KANK1: variants seen among roughly 807,000 people sequenced by gnomAD.
KANK1 encodes KN motif and ankyrin repeat domains 1.
Under a neutral mutation model 106.2 loss-of-function variants are expected in KANK1, and 109 were observed. The observed-to-expected ratio is 1.03, with a 90% confidence interval of 0.88 to 1.20. KANK1 has a LOEUF of 1.20. Among genes scored for constraint, KANK1 ranks in the 50% most tolerant of loss-of-function variants. KANK1 has a pLI of 0.00. For missense variants in KANK1, 2,399 were observed against 1,710.7 expected, an observed-to-expected ratio of 1.40 and a Z score of -7.10; for synonymous variants, 873 against 652.2, an observed-to-expected ratio of 1.34 and a Z score of -5.16.
At chr9:651,698 A>C (rs976103317) in intron 1 of KANK1, among the ~76,000 whole-genome samples, 19 of 152,222 alleles carry the variant, frequency 1.2e-4, no homozygotes, top group African/African-American at 4.3e-4. Context: ...ATCAGGCTCC[A>C]TATAATGTAG....
At chr9:548,349 C>A (rs564245890) in intron 1 of KANK1, among the ~76,000 whole-genome samples, 1 of 152,162 alleles carries the variant, frequency 6.6e-6, no homozygotes, top group Non-Finnish European at 1.5e-5. Context: ...GGAGGGCTTC[C>A]TGAAGGTTTG....
intron 1 of KANK1, among the ~76,000 whole-genome samples, chr9:569,540 C>G (rs1818654055): frequency 1.3e-5 from 2 of 152,158 alleles, no homozygotes; most frequent in Admixed American, 6.5e-5. Context: ...AGGCCCTCAC[C>G]AGATGCAGCC....
At chr9:540,740 C>G (rs549847526) in intron 1 of KANK1, 2 of 152,092 alleles carry the variant, frequency 1.3e-5, no homozygotes, top group Non-Finnish European at 2.9e-5. Flanking sequence ...TATTATTCAG[C>G]CTTGGTGTAA....
intron 2 of KANK1, among the ~76,000 whole-genome samples, chr9:706,174 G>A (rs762958573): frequency 7.9e-5 from 12 of 152,138 alleles, no homozygotes; most frequent in Non-Finnish European, 1.5e-4. Context: ...ACTTGCTGGA[G>A]AATGAAACTT....
At chr9:620,321 G>GCC (rs1832844377) in intron 1 of KANK1, among the ~76,000 whole-genome samples, 1 of 151,954 alleles carries the variant, frequency 6.6e-6, no homozygotes, top group Non-Finnish European at 1.5e-5. Flanking sequence ...TCAACGATCT[G>GCC]CCCCCTAAAT....
At chr9:605,899 A>T (rs896935659) in intron 1 of KANK1, among the ~76,000 whole-genome samples, 1 of 151,772 alleles carries the variant, frequency 6.6e-6, no homozygotes, top group African/African-American at 2.4e-5. Context: ...CCCATACACC[A>T]GATGGCATTT....
chr9:690,917 T>C (rs1819759964), intron 2 of KANK1, among the ~76,000 whole-genome samples: 1 of 152,200 alleles, frequency 6.6e-6, no homozygotes, highest in Admixed American at 6.5e-5. Flanking sequence ...TTCTGGCTAC[T>C]CTCCGCCTGT....
At chr9:497,442 A>ACACACT (rs911064872) in intron 3 of KANK1, among the ~76,000 whole-genome samples, 2 of 151,992 alleles carry the variant, frequency 1.3e-5, no homozygotes, top group South Asian at 4.1e-4. Flanking sequence ...ACACACACAC[A>ACACACT]CACACTCACA....
intron 1 of KANK1, among the ~76,000 whole-genome samples, chr9:660,876 C>T (rs188196695): frequency 1.7e-3 from 255 of 152,292 alleles, no homozygotes; most frequent in Non-Finnish European, 2.8e-3. Flanking sequence ...TCTGGCTTGC[C>T]ACAAAGGTCT....
chr9:720,186 A>G (rs1828926364), intron 3 of KANK1, among the ~76,000 whole-genome samples: 1 of 152,202 alleles, frequency 6.6e-6, no homozygotes, highest in Non-Finnish European at 1.5e-5. Flanking sequence ...GGCTGTTATA[A>G]GTTTGAGTTA....
chr9:703,699 ATTTTT>A (rs879902985), intron 2 of KANK1, among the ~76,000 whole-genome samples: 1 of 148,514 alleles, frequency 6.7e-6, no homozygotes, highest in African/African-American at 2.5e-5. Flanking sequence ...ACCCAGGTAG[ATTTTT>A]TTTTTTAAAC....
At chr9:727,145 A>G (rs10976098) in intron 3 of KANK1, among the ~76,000 whole-genome samples, 17 of 152,098 alleles carry the variant, frequency 1.1e-4, no homozygotes, top group Admixed American at 1.1e-3. Flanking sequence ...TCTTACAAGC[A>G]GACTGTCTGC....
chr9:505,764 C>A (rs923863377), intron 1 of KANK1, among the ~76,000 whole-genome samples: 1 of 152,202 alleles, frequency 6.6e-6, no homozygotes, highest in Non-Finnish European at 1.5e-5. Flanking sequence ...TCTATTAGAC[C>A]CTGATACCCG....
At chr9:536,805 C>G (rs2060324633) in intron 1 of KANK1, among the ~76,000 whole-genome samples, 1 of 152,172 alleles carries the variant, frequency 6.6e-6, no homozygotes, top group South Asian at 2.1e-4. Flanking sequence ...TTGGGGGGCG[C>G]ATTTTTCTGC....
At chr9:473,990 G>A (rs1279328039) in intron 3 of KANK1, among the ~76,000 whole-genome samples, 2 of 152,206 alleles carry the variant, frequency 1.3e-5, no homozygotes, top group Non-Finnish European at 2.9e-5. Flanking sequence ...GAGCCAGTGT[G>A]CCAGCCAAGA....
intron 1 of KANK1, chr9:660,257 G>T: frequency 4.2e-6 from 1 of 240,832 alleles, no homozygotes; most frequent in South Asian, 6.8e-5. Flanking sequence ...ACCAGCACAA[G>T]AACATGTGCC....
chr9:571,057 A>AT (rs1200885195), intron 1 of KANK1, among the ~76,000 whole-genome samples: 4 of 152,164 alleles, frequency 2.6e-5, no homozygotes, highest in Admixed American at 1.3e-4. Flanking sequence ...TGTCAAATTG[A>AT]TTTCTTGTAA....
chr9:541,912 A>G (rs986835734), intron 1 of KANK1, among the ~76,000 whole-genome samples: 4 of 151,372 alleles, frequency 2.6e-5, no homozygotes, highest in Non-Finnish European at 5.9e-5. Flanking sequence ...ACACGGTGAA[A>G]CCCCGTCTCT....
At chr9:687,613 T>C (rs1224367387) in intron 2 of KANK1, among the ~76,000 whole-genome samples, 2 of 151,810 alleles carry the variant, frequency 1.3e-5, no homozygotes, top group Non-Finnish European at 2.9e-5. Flanking sequence ...CCCTGCCCTG[T>C]TCCCCAGTTA....
Sources: gnomAD v4.1 joint callset for allele counts (sites outside exome capture counted in the v4.1 genomes callset) on GRCh38, gnomAD v4.1.1 for gene constraint, MANE v1.5 for transcripts, NCBI Gene and HGNC (gene_info 2026-07-23, HGNC 2026-07-21) for gene names.